IL23R: variants seen among roughly 807,000 people sequenced by gnomAD.
IL23R encodes interleukin 23 receptor, also known as interleukin-23 receptor.
Under a neutral mutation model 56.9 loss-of-function variants are expected in IL23R, and 34 were observed. The ratio of observed to expected loss-of-function variants is 0.60; its 90% CI spans 0.45 to 0.80. The LOEUF (loss-of-function observed/expected upper bound fraction) is 0.80, where lower values mean the gene tolerates loss of function less well. Ranked by LOEUF, IL23R falls within the 30% of genes least tolerant of loss-of-function variation. The pLI is 0.00. For synonymous variants in IL23R, 230 were observed against 249.2 expected (o/e 0.92, Z 0.73); for missense variants, 635 against 730.0 (o/e 0.87, Z 1.50).
chr1:67,183,020 C>T, intron 4 of IL23R, 61 bp downstream of exon 4: 1 of 1,595,948 alleles, frequency 6.3e-7, no homozygotes, highest in Non-Finnish European at 8.6e-7. Flanking sequence ...CAGAGCTCTG[C>T]CTCCAGCAGA....
At chr1:67,257,207 G>T (rs1486185251) in intron 10 of IL23R, among the ~76,000 whole-genome samples, 1 of 152,142 alleles carries the variant, frequency 6.6e-6, no homozygotes, top group Admixed American at 6.6e-5. Flanking sequence ...TTTGTTTTCT[G>T]CCCGAGAGAC....
intron 4 of IL23R, among the ~76,000 whole-genome samples, chr1:67,188,586 C>T (rs1647518304): frequency 6.6e-6 from 1 of 152,176 alleles, no homozygotes; most frequent in Non-Finnish European, 1.5e-5. Context: ...TTAAGTACAA[C>T]ACAAAATGAT....
intron 9 of IL23R, among the ~76,000 whole-genome samples, chr1:67,248,944 G>A (rs1397021882): frequency 1.3e-5 from 2 of 151,986 alleles, no homozygotes; most frequent in Non-Finnish European, 2.9e-5. Flanking sequence ...GTGCTTCCTG[G>A]GTGAGACGAT....
At chr1:67,241,024 G>GT (rs1390477419) in intron 9 of IL23R, among the ~76,000 whole-genome samples, 1 of 152,204 alleles carries the variant, frequency 6.6e-6, no homozygotes, top group East Asian at 1.9e-4. Flanking sequence ...ACTAAGTTAG[G>GT]TTTTCAATCT....
chr1:67,263,858 C>T (rs2100406648), downstream of IL23R, among the ~76,000 whole-genome samples: 1 of 115,478 alleles, frequency 8.7e-6, no homozygotes, highest in Middle Eastern at 4.3e-3. Context: ...AGCGAGACTC[C>T]ATCGCAAAAA....
intron 9 of IL23R, among the ~76,000 whole-genome samples, chr1:67,243,404 C>G (rs947213712): frequency 6.6e-6 from 1 of 152,032 alleles, no homozygotes; most frequent in African/African-American, 2.4e-5. Context: ...TGGTTTGCTG[C>G]ACCCATCAAC....
chr1:67,240,079 C>T (rs2100327991), intron 8 of IL23R, 100 bp from the exon 9 acceptor site: 1 of 888,362 alleles, frequency 1.1e-6, no homozygotes, highest in East Asian at 2.5e-5. Flanking sequence ...ACCCTTTCTC[C>T]TTTGAGACCT....
downstream of IL23R, among the ~76,000 whole-genome samples, chr1:67,262,672 G>A (rs1653229346): frequency 6.6e-6 from 1 of 152,138 alleles, no homozygotes; most frequent in South Asian, 2.1e-4. Flanking sequence ...CTGAGGACAA[G>A]TGCATACCTA....
intron 4 of IL23R, among the ~76,000 whole-genome samples, chr1:67,199,956 C>A (rs1160595556): frequency 6.6e-6 from 1 of 152,146 alleles, no homozygotes; most frequent in Non-Finnish European, 1.5e-5. Context: ...GCACGGATTG[C>A]TTGAGTCCAG....
upstream of IL23R, among the ~76,000 whole-genome samples, chr1:67,164,083 G>A (rs1019428944): frequency 2.6e-5 from 4 of 151,700 alleles, no homozygotes; most frequent in Middle Eastern, 6.8e-3. Flanking sequence ...CCTACAGAAG[G>A]GAAAAAAATA....
chr1:67,234,707 C>CTT (rs5774860), intron 7 of IL23R, among the ~76,000 whole-genome samples: 51,942 of 117,514 alleles, frequency 0.44, 13,503 homozygotes, highest in East Asian at 0.71. Context: ...TATTTTTACT[C>CTT]TTTTTTTTTT....
intron 4 of IL23R, among the ~76,000 whole-genome samples, chr1:67,189,668 G>C (rs1245977969): frequency 6.6e-6 from 1 of 152,214 alleles, no homozygotes; most frequent in Middle Eastern, 3.2e-3. Flanking sequence ...AAGAGGGCTG[G>C]GCGCAGTGGC....
rs143141388 is a variant in IL23R, at chr1:67,229,137, A to G, written c.956-7576A>G. On this transcript the variant is annotated intron_variant, in intron 7 of 10. Transcript: ENST00000347310. The stretch of plus-strand genomic sequence containing the variant: ...CCTAGACATAGTGTCAGATCCTACA[A>G]CTCCCACCTCAGATGCCAGTCTCAA... Among the ~76,000 whole-genome samples, 715 of 151,474 alleles carry G rather than the reference A, an allele frequency of 4.7e-3. 2 individuals carry two copies. The highest frequency in any genetic ancestry group is 0.015 in the South Asian group (73 of 4,794).
intron 4 of IL23R, among the ~76,000 whole-genome samples, chr1:67,196,412 T>G (rs947428803): frequency 1.3e-5 from 2 of 152,140 alleles, no homozygotes; most frequent in Non-Finnish European, 2.9e-5. Flanking sequence ...TGGTGGCACA[T>G]GCCTGCGATC....
In IL23R at chr1:67,251,061, T is replaced by C. The variant is rs556085866; in HGVS notation, c.1149-4776T>C. On this transcript the variant is annotated intron_variant, in intron 9 of 10. Transcript: ENST00000347310. ...TCAGAAGTTATCTTAGGGCCTCTCATGTGTGCCTTAAGAGTGGCAAGACAA... is the reference window on the plus strand; with the variant it reads ...TCAGAAGTTATCTTAGGGCCTCTCACGTGTGCCTTAAGAGTGGCAAGACAA... Among the ~76,000 whole-genome samples the C allele has an allele frequency of 4.6e-5, 7 of 152,126 alleles. No homozygotes were observed. The South Asian group carries it at 1.2e-3, about 27-fold the overall frequency.
intron 1 of IL23R, among the ~76,000 whole-genome samples, chr1:67,158,215 CAA>C (rs200105938): frequency 2.3e-5 from 3 of 129,916 alleles, no homozygotes; most frequent in Non-Finnish European, 1.7e-5. Context: ...GACTCCATGT[CAA>C]AAAAAAAAAA....
At chr1:67,149,711 C>T (rs540441112) in intron 1 of IL23R, among the ~76,000 whole-genome samples, 1 of 152,270 alleles carries the variant, frequency 6.6e-6, no homozygotes, top group African/African-American at 2.4e-5. Context: ...ATTTTTCAAT[C>T]ATTTCCCATA....
Position 67,180,431 on chromosome 1 carries a change from A to G in IL23R, c.368-2405A>G, listed in dbSNP as rs549772159. On this transcript the variant is annotated intron_variant, in intron 3 of 10. Transcript: ENST00000347310. Reference sequence around the variant, plus strand: ...TTTAAAGTCTGTTTTATCAGAGACTAGGATTGCAACCCCTGCCTTTTTTTG... The same window carrying G: ...TTTAAAGTCTGTTTTATCAGAGACTGGGATTGCAACCCCTGCCTTTTTTTG... 2.0e-5 allele frequency among the ~76,000 whole-genome samples: 3 copies of G among 152,166 alleles called. No individual in the cohort carries two copies. In the East Asian group the frequency reaches 5.8e-4, roughly 29 times the overall value.
Position 67,219,546 on chromosome 1 carries a change from T to C in IL23R, c.799-28T>C, listed in dbSNP as rs769147306. ...ATAGTTGTTTTAAAAGCACACCACA[T>C]TTTATTATTGTTACCCATCCATTTT... On this transcript the variant is annotated intron_variant, in intron 6 of 10. Transcript: ENST00000347310. The C allele has an allele frequency of 5.0e-6, 8 of 1,606,710 alleles. No individual in the cohort carries two copies. The East Asian group carries it at 1.8e-4, about 36-fold the overall frequency.
Sources: gnomAD v4.1 joint callset for allele counts (sites outside exome capture counted in the v4.1 genomes callset) on GRCh38, gnomAD v4.1.1 for gene constraint, MANE v1.5 for transcripts, NCBI Gene and HGNC (gene_info 2026-07-23, HGNC 2026-07-21) for gene names.